AHCYL1: variants seen among roughly 807,000 people sequenced by gnomAD.
AHCYL1 encodes S-adenosylhomocysteine hydrolase-like protein 1.
In AHCYL1, 20 loss-of-function variants were observed where a neutral mutation model predicts 79.3. That is an observed-to-expected ratio of 0.25 (90% CI 0.18 to 0.37). The LOEUF (loss-of-function observed/expected upper bound fraction) is 0.37. AHCYL1 is among the 10% of genes least tolerant of loss of function. AHCYL1 has a pLI of 1.00. For synonymous variants in AHCYL1, 223 were observed against 242.2 expected (o/e 0.92, Z 0.74); for missense variants, 330 against 673.6 (o/e 0.49, Z 5.65).
Position 109,995,703 on chromosome 1 carries a change from G to T in AHCYL1, c.120+10531G>T. Reference sequence around the variant, plus strand: ...TCTCATTCTGTGGAAGGAGAAGAAGGTATCAGTCACATAGAGGGTTTTTTC... The same window carrying T: ...TCTCATTCTGTGGAAGGAGAAGAAGTTATCAGTCACATAGAGGGTTTTTTC... On this transcript the variant is annotated intron_variant, in intron 1 of 16. Coordinates refer to ENST00000369799, the MANE Select transcript of AHCYL1 (RefSeq NM_006621.7). 6 of 985,250 alleles carry T rather than the reference G, an allele frequency of 6.1e-6. No individual in the cohort carries two copies. In the South Asian group the frequency reaches 1.9e-4, roughly 31 times the overall value. The allele number at this position is 985,250 out of a possible 1,614,324, so 61.0% of individuals were successfully genotyped here.
chr1:110,008,819 C>A (rs1287001776), intron 1 of AHCYL1, among the ~76,000 whole-genome samples: 1 of 152,162 alleles, frequency 6.6e-6, no homozygotes, highest in Non-Finnish European at 1.5e-5. Flanking sequence ...CCTCCCAAAT[C>A]CTGCAGAAAC....
rs1651744932 is a variant in AHCYL1, at chr1:110,020,747, C to T, written c.1482C>T (p.Ser494=). 6.2e-7 allele frequency: 1 copy of T among 1,612,640 alleles called. No individual in the cohort carries two copies. Among genetic ancestry groups the T allele is most frequent in the Non-Finnish European group, 8.5e-7 (1 of 1,179,452 alleles). Residue 494 remains serine (S), a synonymous_variant, in exon 16 of 17, where the codon AGC becomes AGT. Coordinates refer to ENST00000369799, the MANE Select transcript of AHCYL1 (RefSeq NM_006621.7). Reference sequence around the variant, plus strand: ...TCTTCCTAGATGAATACGTTGCCAGCTTGCATCTGCCATCATTTGATGCCC... The same window carrying T: ...TCTTCCTAGATGAATACGTTGCCAGTTTGCATCTGCCATCATTTGATGCCC... The part of the protein sequence containing the change: ...LPKKMDEYVA[S]LHLPSFDAHL...
At chr1:110,014,739 G>T (rs762275951) in intron 5 of AHCYL1, 24 bp from the exon 6 acceptor site, 1 of 1,589,142 alleles carries the variant, frequency 6.3e-7, no homozygotes, top group South Asian at 1.1e-5. Context: ...GGAGGAATCA[G>T]CTGATTCATT....
chr1:109,987,249 C>T (rs1649515264), intron 1 of AHCYL1, among the ~76,000 whole-genome samples: 1 of 152,176 alleles, frequency 6.6e-6, no homozygotes, highest in South Asian at 2.1e-4. Flanking sequence ...CCTAGGCAAT[C>T]TGTTTTTCAG....
intron 1 of AHCYL1, among the ~76,000 whole-genome samples, chr1:110,007,053 G>A (rs1400931371): frequency 6.6e-6 from 1 of 152,118 alleles, no homozygotes; most frequent in Non-Finnish European, 1.5e-5. Context: ...TTAATATAAG[G>A]GGAAATTATG....
chr1:109,994,398 G>A (rs757550026), intron 1 of AHCYL1, among the ~76,000 whole-genome samples: 10 of 152,184 alleles, frequency 6.6e-5, no homozygotes, highest in African/African-American at 9.7e-5. Flanking sequence ...AAGTAGCTGG[G>A]ATTACAGGCA....
chr1:109,994,663 T>C (rs1331198825), intron 1 of AHCYL1, among the ~76,000 whole-genome samples: 1 of 152,204 alleles, frequency 6.6e-6, no homozygotes, highest in Non-Finnish European at 1.5e-5. Context: ...TGGTAACTAA[T>C]TCAGTTTCTT....
At chr1:110,018,196 A>G (rs1327428199) in intron 11 of AHCYL1, among the ~76,000 whole-genome samples, 177 bp from the exon 12 acceptor site, 1 of 152,148 alleles carries the variant, frequency 6.6e-6, no homozygotes, top group Non-Finnish European at 1.5e-5. Flanking sequence ...GTGACTTTTT[A>G]TACTGCTTGA....
At chr1:110,011,487 G>T in intron 3 of AHCYL1, 130 bp downstream of exon 3, 1 of 1,236,432 alleles carries the variant, frequency 8.1e-7, no homozygotes, top group Non-Finnish European at 1.1e-6. Flanking sequence ...ATGGACTTTC[G>T]GATAAACACT....
At chr1:109,995,168 A>G (rs1247180441) in intron 1 of AHCYL1, among the ~76,000 whole-genome samples, 1 of 152,220 alleles carries the variant, frequency 6.6e-6, no homozygotes, top group Non-Finnish European at 1.5e-5. Flanking sequence ...GTTTAGAAGG[A>G]GAACACCTGT....
intron 14 of AHCYL1, 119 bp from the exon 15 acceptor site, chr1:110,019,429 T>A (rs1651645768): frequency 1.1e-6 from 1 of 894,490 alleles, no homozygotes. Flanking sequence ...AAGTCCTAGG[T>A]ACTGTGACTG....
intron 1 of AHCYL1, chr1:109,995,692 A>T (rs2101700295): frequency 1.0e-6 from 1 of 985,384 alleles, no homozygotes; most frequent in Middle Eastern, 5.2e-4. Context: ...ATTCTGTGGA[A>T]GGAGAAGAAG....
rs570343784 is a variant in AHCYL1, at chr1:110,022,976, C to G, written c.*1296C>G. 4 of 152,770 alleles carry G rather than the reference C, an allele frequency of 2.6e-5. No homozygotes were observed. The East Asian group carries it at 5.8e-4, about 22-fold the overall frequency. The allele number at this position is 152,770 out of a possible 1,614,324, so 9.5% of individuals were successfully genotyped here. A position where few individuals can be genotyped will look rare whatever the true frequency, so the allele number is the denominator to read the frequency against. On this transcript the variant is annotated 3_prime_UTR_variant, in exon 17 of 17. Transcript: ENST00000369799. ...CTCTGAAAGAATATCCAGAGAGGCT[C>G]TCTCAAAGATCAGGGAGATGTATTC... is the stretch of plus-strand genomic sequence containing the variant.
chr1:110,006,254 A>G (rs1004392322), intron 1 of AHCYL1, among the ~76,000 whole-genome samples: 2 of 152,190 alleles, frequency 1.3e-5, no homozygotes, highest in South Asian at 4.1e-4. Flanking sequence ...CTTTAACATA[A>G]GACTTTTTAC....
chr1:110,012,613 T>C (rs768044571), intron 4 of AHCYL1, 151 bp downstream of exon 4: 2 of 643,858 alleles, frequency 3.1e-6, no homozygotes, highest in African/African-American at 3.8e-5. Context: ...GTTTTCTGGG[T>C]TTTTTTTTAA....
intron 2 of AHCYL1, among the ~76,000 whole-genome samples, 179 bp from the exon 3 acceptor site, chr1:110,011,035 A>G (rs1650989633): frequency 6.6e-6 from 1 of 152,192 alleles, no homozygotes; most frequent in Non-Finnish European, 1.5e-5. Flanking sequence ...AGTACCCACA[A>G]CAGTTTCATT....
chr1:109,998,591 C>T (rs1650142349), intron 1 of AHCYL1, among the ~76,000 whole-genome samples: 2 of 152,210 alleles, frequency 1.3e-5, no homozygotes, highest in African/African-American at 2.4e-5. Flanking sequence ...AATCCTCTTG[C>T]CTCAGCCTCC....
intron 1 of AHCYL1, among the ~76,000 whole-genome samples, chr1:110,002,931 C>T (rs1650396645): frequency 1.3e-5 from 2 of 152,120 alleles, no homozygotes; most frequent in Non-Finnish European, 1.5e-5. Context: ...AAATTCAAAA[C>T]ATGAGTGATT....
intron 1 of AHCYL1, among the ~76,000 whole-genome samples, chr1:110,008,168 C>T (rs1355617596): frequency 6.6e-6 from 1 of 151,868 alleles, no homozygotes; most frequent in Non-Finnish European, 1.5e-5. Flanking sequence ...ACTACAGGCA[C>T]CCGCCACCAA....
Sources: allele counts gnomAD v4.1 joint callset (sites outside exome capture counted in the v4.1 genomes callset), GRCh38; gene constraint gnomAD v4.1.1; transcripts MANE v1.5; gene names NCBI Gene and HGNC (gene_info 2026-07-23, HGNC 2026-07-21).